The following SUGCT variants were observed in gnomAD, a reference collection of about 807,000 sequenced individuals.
SUGCT encodes succinyl-CoA:glutarate CoA-transferase.
In SUGCT, 41 loss-of-function variants were observed where a neutral mutation model predicts 55.0. That is an observed-to-expected ratio of 0.74 (90% CI 0.58 to 0.97). SUGCT has a LOEUF of 0.97. Ranked by LOEUF, SUGCT falls within the 50% of genes least tolerant of loss-of-function variation. The pLI is 0.00. For synonymous variants in SUGCT, 187 were observed against 200.4 expected, an observed-to-expected ratio of 0.93 and a Z score of 0.56; for missense variants, 568 against 547.8, an observed-to-expected ratio of 1.04 and a Z score of -0.37.
intron 12 of SUGCT, among the ~76,000 whole-genome samples, chr7:40,515,261 A>G (rs766148191): frequency 6.6e-5 from 10 of 152,200 alleles, no homozygotes; most frequent in Non-Finnish European, 1.2e-4. Flanking sequence ...AATTGTATCA[A>G]TTCAAGGATG....
intron 6 of SUGCT, among the ~76,000 whole-genome samples, chr7:40,213,588 A>G (rs1353146634): frequency 2.0e-5 from 3 of 152,158 alleles, no homozygotes; most frequent in African/African-American, 7.2e-5. Context: ...TTGGAACTCA[A>G]GTTCAGCCTC....
In SUGCT at chr7:40,802,903, C is replaced by T. The variant is rs190027153; in HGVS notation, c.1153+53406C>T. Among the ~76,000 whole-genome samples the T allele has an allele frequency of 1.2e-4, 19 of 152,140 alleles. No individual in the cohort carries two copies. In the East Asian group the frequency reaches 2.9e-3, roughly 23 times the overall value. On this transcript the variant is annotated intron_variant, in intron 13 of 13. Transcript: ENST00000335693. Reference sequence around the variant, plus strand: ...ATATAAATGACCAGATTTTATTCACCGTTTGTTCCATTTTCTATCACTAGC... The same window carrying T: ...ATATAAATGACCAGATTTTATTCACTGTTTGTTCCATTTTCTATCACTAGC...
intron 13 of SUGCT, among the ~76,000 whole-genome samples, chr7:40,806,544 CTTG>C (rs1791102595): frequency 6.6e-6 from 1 of 152,028 alleles, no homozygotes; most frequent in South Asian, 2.1e-4. Context: ...TCTGAATGAT[CTTG>C]TTGTCTTATA....
chr7:40,418,883 A>C (rs1166820343), intron 9 of SUGCT, among the ~76,000 whole-genome samples: 1 of 152,210 alleles, frequency 6.6e-6, no homozygotes, highest in Non-Finnish European at 1.5e-5. Context: ...AAAATGCCAT[A>C]TTAAGCACTA....
intron 13 of SUGCT, among the ~76,000 whole-genome samples, chr7:40,856,124 CCTT>C (rs1794158115): frequency 6.6e-6 from 1 of 152,166 alleles, no homozygotes; most frequent in Non-Finnish European, 1.5e-5. Context: ...CTCTTATTCT[CCTT>C]CTACAATATT....
At chr7:40,806,792 T>C (rs1791118355) in intron 13 of SUGCT, among the ~76,000 whole-genome samples, 1 of 152,110 alleles carries the variant, frequency 6.6e-6, no homozygotes, top group Non-Finnish European at 1.5e-5. Flanking sequence ...AATGAACAAA[T>C]GGGGTCAGCT....
chr7:40,816,882 C>G (rs547862507), intron 13 of SUGCT, among the ~76,000 whole-genome samples: 2 of 152,252 alleles, frequency 1.3e-5, no homozygotes, highest in East Asian at 3.9e-4. Flanking sequence ...AACTCCAGAA[C>G]CAGGGCTTGG....
rs1275175775 is a variant in SUGCT, at chr7:40,227,239, G to A, written c.485-10396G>A. On this transcript the variant is annotated intron_variant, in intron 6 of 13. Coordinates refer to ENST00000335693, the MANE Select transcript of SUGCT (RefSeq NM_001193313.2). ...TTTTTTTGTATTTTCAGTAGGGATGGGATTTCACCATGTTGGCCAGGCTGG... is the reference window on the plus strand; with the variant it reads ...TTTTTTTGTATTTTCAGTAGGGATGAGATTTCACCATGTTGGCCAGGCTGG... Among the ~76,000 whole-genome samples the A allele has an allele frequency of 1.2e-4, 18 of 151,606 alleles. 2 individuals are homozygous for A. Among genetic ancestry groups the A allele is most frequent in the Admixed American group, 1.2e-3 (18 of 15,186 alleles).
intron 12 of SUGCT, among the ~76,000 whole-genome samples, chr7:40,533,212 T>C (rs1794185908): frequency 1.3e-5 from 2 of 152,172 alleles, no homozygotes; most frequent in Non-Finnish European, 2.9e-5. Context: ...AACAAAAATC[T>C]GTGAGTCACA....
chr7:40,324,087 T>G (rs1386559866), intron 9 of SUGCT, among the ~76,000 whole-genome samples: 1 of 151,962 alleles, frequency 6.6e-6, no homozygotes, highest in African/African-American at 2.4e-5. Flanking sequence ...CTCTTGCATT[T>G]GAACCTATAT....
chr7:40,179,542 C>A (rs896476628), intron 1 of SUGCT, among the ~76,000 whole-genome samples: 1 of 152,214 alleles, frequency 6.6e-6, no homozygotes, highest in African/African-American at 2.4e-5. Flanking sequence ...CTCGGCCTCC[C>A]AAAGTGCTGG....
intron 8 of SUGCT, among the ~76,000 whole-genome samples, chr7:40,287,605 C>A (rs1236629118): frequency 6.6e-6 from 1 of 151,974 alleles, no homozygotes; most frequent in African/African-American, 2.4e-5. Context: ...TCAAGCAATC[C>A]CCCACCTCAG....
At chr7:40,333,396 G>C (rs953555199) in intron 9 of SUGCT, among the ~76,000 whole-genome samples, 2 of 151,508 alleles carry the variant, frequency 1.3e-5, no homozygotes, top group African/African-American at 4.9e-5. Flanking sequence ...CAGCACTTTG[G>C]GAGGCTGAGG....
chr7:40,610,607 C>T (rs1367797425), intron 12 of SUGCT, among the ~76,000 whole-genome samples: 2 of 152,140 alleles, frequency 1.3e-5, no homozygotes, highest in African/African-American at 2.4e-5. Flanking sequence ...ACTTGTAACG[C>T]GTAATGGTTC....
chr7:40,700,778 C>T (rs1284301315), intron 12 of SUGCT, among the ~76,000 whole-genome samples: 2 of 152,184 alleles, frequency 1.3e-5, no homozygotes, highest in South Asian at 4.2e-4. Context: ...GGCCAGTAGG[C>T]GGTGTGTGGT....
intron 10 of SUGCT, among the ~76,000 whole-genome samples, chr7:40,450,235 CT>C (rs113379525): frequency 1.4e-4 from 21 of 151,404 alleles, no homozygotes; most frequent in African/African-American, 2.7e-4. Context: ...GCCTACTAGA[CT>C]TTTTTTTTCT....
At chr7:40,316,731 T>A (rs948883914) in intron 8 of SUGCT, 29 bp from the exon 9 acceptor site, 1 of 1,401,838 alleles carries the variant, frequency 7.1e-7, no homozygotes, top group South Asian at 1.2e-5. Context: ...AGCTGTTCTA[T>A]TTTATTTATT....
chr7:40,389,970 C>A (rs921181222), intron 9 of SUGCT, among the ~76,000 whole-genome samples: 35 of 152,272 alleles, frequency 2.3e-4, no homozygotes, highest in Admixed American at 5.2e-4. Context: ...GGATGCAAGG[C>A]TGGTTCAACA....
At chr7:40,908,114 G>A in the SUGCT span, among the ~76,000 whole-genome samples, 16 of 151,928 alleles carry the variant, frequency 1.1e-4, no homozygotes, top group African/African-American at 3.1e-4. Context: ...GCGGTGGCTC[G>A]CAACCTGTAA....
Sources: gnomAD v4.1 joint callset for allele counts (sites outside exome capture counted in the v4.1 genomes callset) on GRCh38, gnomAD v4.1.1 for gene constraint, MANE v1.5 for transcripts, NCBI Gene and HGNC (gene_info 2026-07-23, HGNC 2026-07-21) for gene names.